Variants in CLASP1 observed in about 807,000 individuals in gnomAD.
The protein encoded by CLASP1 is cytoplasmic linker associated protein 1.
CLASP1 carries 38 observed loss-of-function variants against 192.3 expected under a neutral mutation model. The observed-to-expected ratio is 0.20, with a 90% CI of 0.15 to 0.26. The LOEUF (loss-of-function observed/expected upper bound fraction) is 0.26. Among genes scored for constraint, CLASP1 ranks in the 10% least tolerant of loss-of-function variants. The pLI is 1.00. For synonymous variants in CLASP1, 691 were observed against 712.8 expected (o/e 0.97, Z 0.49); for missense variants, 1,433 against 1,932.5 (o/e 0.74, Z 4.85).
At chr2:121,578,064 C>T (rs1559663317) in intron 2 of CLASP1, among the ~76,000 whole-genome samples, 2 of 152,102 alleles carry the variant, frequency 1.3e-5, no homozygotes, top group Non-Finnish European at 1.5e-5. Flanking sequence ...TCCTGAGTAA[C>T]TGGAGTTATG....
At chr2:121,447,471 C>T in exon 19 of CLASP1, 2 of 1,555,284 alleles carry the variant, frequency 1.3e-6, no homozygotes, top group Non-Finnish European at 1.7e-6. Context: ...CTGGAGGGAC[C>T]CAGTCGTTGA....
intron 27 of CLASP1, 72 bp downstream of exon 28, chr2:121,401,796 T>C: frequency 2.4e-6 from 2 of 827,050 alleles, no homozygotes; most frequent in South Asian, 2.7e-5. Flanking sequence ...TTAACACTGT[T>C]AACAACTGTT....
rs541914680 is a variant in CLASP1, at chr2:121,459,968, C to T, written c.1178+12G>A. The T allele has an allele frequency of 6.6e-5, 106 of 1,608,144 alleles. No individual in the cohort carries two copies. In the South Asian group the frequency reaches 9.5e-4, roughly 14 times the overall value. ...ATTTTATGGTGAGAATATGGAGCAT[C>T]GCAGTCCTTACCCCAACGTGATACA... On this transcript the variant is annotated intron_variant, in intron 12 of 39. Coordinates refer to ENST00000263710, the Ensembl canonical transcript of CLASP1.
chr2:121,500,344 AAAAGAAAGAAAGAAAG>A (rs201022141), intron 8 of CLASP1, among the ~76,000 whole-genome samples: 3,580 of 119,266 alleles, frequency 0.03, 95 homozygotes, highest in African/African-American at 0.066. Context: ...GAAAGAAAGA[AAAAGAAAGAAAGAAAG>A]AAAGAAAGAA....
intron 12 of CLASP1, 28 bp from the exon 13 acceptor site, chr2:121,459,003 T>G (rs770114891): frequency 1.3e-6 from 2 of 1,546,224 alleles, no homozygotes; most frequent in Admixed American, 2.0e-5. Context: ...TACTGGACTA[T>G]AGTTATTTTT....
At chr2:121,384,169 TAC>T (rs35612382) in intron 32 of CLASP1, among the ~76,000 whole-genome samples, 23,376 of 142,062 alleles carry the variant, frequency 0.16, 3,527 homozygotes, top group African/African-American at 0.41. Context: ...TATATATATA[TAC>T]ACACACACAC....
intron 2 of CLASP1, among the ~76,000 whole-genome samples, chr2:121,593,345 C>G (rs1334672813): frequency 6.6e-6 from 1 of 152,118 alleles, no homozygotes; most frequent in Non-Finnish European, 1.5e-5. Context: ...TATGGCCGGG[C>G]ACGGTGGCTC....
At chr2:121,586,128 T>C (rs6541786) in intron 2 of CLASP1, among the ~76,000 whole-genome samples, 34,970 of 151,878 alleles carry the variant, frequency 0.23, 6,032 homozygotes, top group African/African-American at 0.48. Context: ...GAGGACCCTA[T>C]TCTTTTTTTC....
intron 8 of CLASP1, chr2:121,470,379 T>C (rs2090502296): frequency 2.2e-6 from 1 of 452,556 alleles, no homozygotes; most frequent in Non-Finnish European, 4.2e-6. Flanking sequence ...GGTGCTAGGA[T>C]GACAGGCATG....
chr2:121,646,813 G>A lies in CLASP1; in HGVS notation c.-286+2559C>T, dbSNP rs530937438. Among the ~76,000 whole-genome samples the A allele has an allele frequency of 8.8e-4, 130 of 148,322 alleles. 1 individual carries two copies. The highest frequency in any genetic ancestry group is 7.2e-3 in the Middle Eastern group (2 of 276). On this transcript the variant is annotated intron_variant, in intron 1 of 39. Transcript: ENST00000263710. ...AGCACTTTGGGAGGCTGAGGCAGGCGGATCATGAGGTCAGGATATCAAGGC... is the reference window on the plus strand; with the variant it reads ...AGCACTTTGGGAGGCTGAGGCAGGCAGATCATGAGGTCAGGATATCAAGGC...
At chr2:121,612,077 AGTT>A (rs2065669768) in intron 1 of CLASP1, among the ~76,000 whole-genome samples, 1 of 143,452 alleles carries the variant, frequency 7.0e-6, no homozygotes, top group African/African-American at 2.6e-5. Flanking sequence ...GAGGAGGAGG[AGTT>A]GGAGGAGTTA....
exon 32 of CLASP1, chr2:121,387,182 C>T (rs1305557399): frequency 1.9e-6 from 3 of 1,612,078 alleles, no homozygotes; most frequent in Non-Finnish European, 2.5e-6. Flanking sequence ...GGTCCTGCTG[C>T]TGGTGTGTCG....
chr2:121,506,437 C>T (rs1009173119), intron 7 of CLASP1, among the ~76,000 whole-genome samples: 1 of 150,564 alleles, frequency 6.6e-6, no homozygotes, highest in Non-Finnish European at 1.5e-5. Flanking sequence ...TTCAACATGG[C>T]GGATACCCAA....
chr2:121,594,143 AC>A (rs1271540513), intron 2 of CLASP1, among the ~76,000 whole-genome samples: 1 of 151,432 alleles, frequency 6.6e-6, no homozygotes, highest in African/African-American at 2.4e-5. Flanking sequence ...TACTAAAAAT[AC>A]AAAAAATTAG....
At chr2:121,606,225 A>G (rs2064388879) in intron 1 of CLASP1, 45 bp from the exon 2 acceptor site, 1 of 414,632 alleles carries the variant, frequency 2.4e-6, no homozygotes, top group Non-Finnish European at 4.2e-6. Flanking sequence ...CAGATAACAT[A>G]ACACCCAAAT....
At chr2:121,361,562 T>C (rs1573785248) in intron 37 of CLASP1, among the ~76,000 whole-genome samples, 1 of 152,204 alleles carries the variant, frequency 6.6e-6, no homozygotes, top group Non-Finnish European at 1.5e-5. Context: ...CCAACACTAA[T>C]TCATAAACTT....
intron 8 of CLASP1, among the ~76,000 whole-genome samples, chr2:121,483,686 A>G (rs2092782488): frequency 6.6e-6 from 1 of 152,102 alleles, no homozygotes; most frequent in South Asian, 2.1e-4. Context: ...AAATAATTCC[A>G]GTCCTACAAT....
chr2:121,348,826 G>C (rs897614053), intron 37 of CLASP1, 108 bp from the exon 39 acceptor site: 3 of 1,013,510 alleles, frequency 3.0e-6, no homozygotes, highest in Non-Finnish European at 4.2e-6. Flanking sequence ...CTCAATGTCA[G>C]ACGGCAGCCA....
intron 1 of CLASP1, among the ~76,000 whole-genome samples, chr2:121,621,667 A>G (rs1207481041): frequency 1.3e-5 from 2 of 152,200 alleles, no homozygotes; most frequent in Admixed American, 6.5e-5. Context: ...CCATTGATCT[A>G]TATGTCTATC....
Sources: allele counts gnomAD v4.1 joint callset (sites outside exome capture counted in the v4.1 genomes callset), GRCh38; gene constraint gnomAD v4.1.1; transcripts MANE v1.5; gene names NCBI Gene and HGNC (gene_info 2026-07-23, HGNC 2026-07-21).